Variants in PLCG2 observed in about 807,000 individuals in gnomAD.
PLCG2 encodes 1-phosphatidylinositol 4,5-bisphosphate phosphodiesterase gamma-2.
In PLCG2, 69 loss-of-function variants were observed where a neutral mutation model predicts 175.6. The ratio of observed to expected loss-of-function variants is 0.39; its 90% CI spans 0.32 to 0.48. PLCG2 has a LOEUF of 0.48. Ranked by LOEUF, PLCG2 falls within the 20% of genes least tolerant of loss-of-function variation. The pLI, the probability that PLCG2 is intolerant of heterozygous loss-of-function variation, is 0.91. For missense variants in PLCG2, 1,798 were observed against 1,650.9 expected (o/e 1.09, Z -1.54); for synonymous variants, 827 against 624.0 (o/e 1.33, Z -4.85).
upstream of PLCG2, among the ~76,000 whole-genome samples, chr16:81,777,698 G>A (rs1394700530): frequency 2.0e-5 from 3 of 152,066 alleles, no homozygotes; most frequent in Non-Finnish European, 2.9e-5. Flanking sequence ...CATTGACAGT[G>A]AGAGTGATAT....
intron 14 of PLCG2, among the ~76,000 whole-genome samples, chr16:81,904,317 C>T (rs1016719056): frequency 1.3e-5 from 2 of 152,182 alleles, no homozygotes; most frequent in Non-Finnish European, 2.9e-5. Context: ...GGTCACATGG[C>T]CAGTAAGGTA....
At chr16:81,873,388 A>G (rs1252014027) in intron 7 of PLCG2, among the ~76,000 whole-genome samples, 2 of 152,272 alleles carry the variant, frequency 1.3e-5, no homozygotes, top group East Asian at 1.9e-4. Flanking sequence ...AACTTTAAAA[A>G]TAGTCCTTGA....
chr16:81,781,445 A>G (rs2143153415), intron 1 of PLCG2, among the ~76,000 whole-genome samples: 1 of 151,990 alleles, frequency 6.6e-6, no homozygotes, highest in East Asian at 1.9e-4. Flanking sequence ...TTCTATTGCA[A>G]CTATTGCTTC....
chr16:81,751,259 G>C (rs1431635483), intron 1 of PLCG2, among the ~76,000 whole-genome samples: 2 of 152,156 alleles, frequency 1.3e-5, no homozygotes, highest in African/African-American at 4.8e-5. Context: ...GGGATTACAG[G>C]CATGAGCCAC....
intron 7 of PLCG2, among the ~76,000 whole-genome samples, chr16:81,873,277 C>G (rs940923747): frequency 1.3e-5 from 2 of 152,180 alleles, no homozygotes; most frequent in Non-Finnish European, 2.9e-5. Flanking sequence ...ACTTTTAATA[C>G]TCTTTAATCC....
Position 81,959,030 on chromosome 16 carries a change from G to T in PLCG2, c.*1032G>T. 4.5e-6 allele frequency: 1 copy of T among 223,646 alleles called. No homozygotes were observed. Among genetic ancestry groups the T allele is most frequent in the East Asian group, 6.5e-5 (1 of 15,396 alleles). 13.9% of individuals were successfully genotyped at this position (223,646 alleles called of 1,614,324 possible). On this transcript the variant is annotated 3_prime_UTR_variant, in exon 33 of 33. Transcript: ENST00000564138. ...CTAGTTCATGACAGTATGTGCGGCT[G>T]GCCAGGGCTTTACACCTCTGCATCT...
At chr16:81,835,312 A>G (rs895288961) in intron 2 of PLCG2, among the ~76,000 whole-genome samples, 49 of 152,256 alleles carry the variant, frequency 3.2e-4, no homozygotes, top group African/African-American at 1.2e-3. Flanking sequence ...AATAATGAAG[A>G]TGGCCGGGTG....
chr16:81,888,164 C>G (rs115760153), intron 9 of PLCG2, among the ~76,000 whole-genome samples: 127 of 152,202 alleles, frequency 8.3e-4, no homozygotes, highest in African/African-American at 2.9e-3. Context: ...AGTGAGATGA[C>G]CATAGGAGGA....
chr16:81,825,295 T>TGTTTG (rs1428241159), intron 2 of PLCG2, among the ~76,000 whole-genome samples: 2 of 140,716 alleles, frequency 1.4e-5, no homozygotes, highest in Non-Finnish European at 3.1e-5. Context: ...TTTTTTTTTT[T>TGTTTG]TTTTTTTTTT....
intron 7 of PLCG2, 28 bp from the exon 8 acceptor site, chr16:81,880,882 T>G (rs1567513675): frequency 6.3e-7 from 1 of 1,593,216 alleles, no homozygotes; most frequent in Admixed American, 1.7e-5. Context: ...TCTAAGGTTC[T>G]TTTTTTTGTG....
intron 2 of PLCG2, among the ~76,000 whole-genome samples, chr16:81,758,487 A>G (rs918236243): frequency 6.6e-6 from 1 of 151,986 alleles, no homozygotes; most frequent in African/African-American, 2.4e-5. Context: ...TGTGTGGATG[A>G]GCTTTCATTT....
intron 14 of PLCG2, among the ~76,000 whole-genome samples, chr16:81,905,140 G>C (rs539005465): frequency 6.6e-6 from 1 of 152,352 alleles, no homozygotes; most frequent in Admixed American, 6.5e-5. Context: ...GTCTGCTTCA[G>C]CCTCCCAAAG....
chr16:81,935,811 T>TCC, intron 26 of PLCG2: 1 of 985,336 alleles, frequency 1.0e-6, no homozygotes, highest in South Asian at 4.7e-5. Context: ...CTCTGGATCT[T>TCC]CCCCTCCCAA....
chr16:81,857,613 G>A (rs1255798287), intron 3 of PLCG2, among the ~76,000 whole-genome samples: 3 of 147,866 alleles, frequency 2.0e-5, no homozygotes, highest in Non-Finnish European at 4.6e-5. Flanking sequence ...GGGTGTGCTT[G>A]GATAGAGAGG....
chr16:81,893,953 T>C (rs1433035786), intron 12 of PLCG2, among the ~76,000 whole-genome samples, 159 bp downstream of exon 12: 1 of 151,356 alleles, frequency 6.6e-6, no homozygotes, highest in Non-Finnish European at 1.5e-5. Context: ...TTGTTTTCTT[T>C]TTTCTTTCTT....
chr16:81,843,630 A>G (rs757162985), intron 2 of PLCG2, among the ~76,000 whole-genome samples: 11 of 152,236 alleles, frequency 7.2e-5, no homozygotes, highest in Admixed American at 2.0e-4. Context: ...ATTGCTAAGC[A>G]TGTTTGCAAA....
chr16:81,812,142 T>C (rs1229273917), intron 2 of PLCG2, among the ~76,000 whole-genome samples: 1 of 148,068 alleles, frequency 6.8e-6, no homozygotes, highest in Non-Finnish European at 1.5e-5. Context: ...CTCCGCCTCC[T>C]GGGTTCACGC....
intron 1 of PLCG2, among the ~76,000 whole-genome samples, chr16:81,740,756 A>C (rs1224944330): frequency 2.0e-5 from 3 of 149,178 alleles, no homozygotes; most frequent in South Asian, 4.3e-4. Flanking sequence ...AAAAAAAAAA[A>C]AAAACCGAAA....
chr16:81,938,534 G>A, intron 28 of PLCG2: 1 of 500,636 alleles, frequency 2.0e-6, no homozygotes, highest in Non-Finnish European at 3.6e-6. Flanking sequence ...GCATGGATGT[G>A]TGCATTCATG....
Sources: gnomAD v4.1 joint callset for allele counts (sites outside exome capture counted in the v4.1 genomes callset) on GRCh38, gnomAD v4.1.1 for gene constraint, MANE v1.5 for transcripts, NCBI Gene and HGNC (gene_info 2026-07-23, HGNC 2026-07-21) for gene names.